Variants in CELF2 observed in about 807,000 individuals in gnomAD.
The protein encoded by CELF2 is CUGBP Elav-like family member 2.
CELF2 carries 8 observed loss-of-function variants against 62.6 expected under a neutral mutation model. That is an observed-to-expected ratio of 0.13 (90% CI 0.07 to 0.23). The LOEUF (loss-of-function observed/expected upper bound fraction) is 0.23, where lower values mean the gene tolerates loss of function less well. Among genes scored for constraint, CELF2 ranks in the 10% least tolerant of loss-of-function variants. The probability of loss-of-function intolerance (pLI) is 1.00; values close to 1 mark genes in which losing one functional copy is unlikely to be tolerated. For missense variants in CELF2, 333 were observed against 671.0 expected, an observed-to-expected ratio of 0.50 and a Z score of 5.56; for synonymous variants, 258 against 250.0, an observed-to-expected ratio of 1.03 and a Z score of -0.30.
In CELF2 at chr10:10,957,420, A is replaced by G. The variant is rs115121908; in HGVS notation, c.89+37421A>G. 4.6e-3 allele frequency among the ~76,000 whole-genome samples: 704 copies of G among 152,274 alleles called. 5 individuals are homozygous for G. The highest frequency in any genetic ancestry group is 0.017 in the African/African-American group (690 of 41,550). ...CCTTCTGTTTGAATGTAAGAGGATG[A>G]ATTGATTCACCTGTGAGGCAATGTG... On this transcript the variant is annotated intron_variant, in intron 2 of 13. Transcript: ENST00000636488. The surrounding 1 kb of genome is among the most constrained non-coding windows in gnomAD (Gnocchi z 4.1).
the CELF2 span, among the ~76,000 whole-genome samples, chr10:10,553,989 G>A: frequency 1.3e-5 from 2 of 152,170 alleles, no homozygotes; most frequent in African/African-American, 4.8e-5. Flanking sequence ...TGAGAAGATT[G>A]TCTTGGCCCT....
At chr10:10,658,991 C>G in the CELF2 span, among the ~76,000 whole-genome samples, 3 of 152,146 alleles carry the variant, frequency 2.0e-5, no homozygotes, top group Non-Finnish European at 4.4e-5. Context: ...AACAGATCTG[C>G]ATAACTGGGG....
At position 11,328,866 on chromosome 10, in the gene CELF2, C is replaced by CTTTTCTG. The variant is rs1211796738; in HGVS notation, c.1439-52_1439-46dup. The CTTTTCTG allele has an allele frequency of 1.5e-5, 24 of 1,563,840 alleles. No individual in the cohort carries two copies. The highest frequency in any genetic ancestry group is 2.0e-5 in the Non-Finnish European group (23 of 1,151,262). On this transcript the variant is annotated intron_variant, in intron 12 of 12. Coordinates refer to ENST00000633077, the MANE Select transcript of CELF2 (RefSeq NM_001326342.2). This position sits in a 1 kb window ranked among gnomAD's most constrained non-coding sequence, Gnocchi z 6.4. ...CAGCCTTCCCCAGAGCTCCAGCCCC[C>CTTTTCTG]TTTTCTGTTTTCTGCTGGGCTTCCT...
At chr10:10,900,838 A>G (rs1011952510) in intron 1 of CELF2, among the ~76,000 whole-genome samples, 1 of 152,238 alleles carries the variant, frequency 6.6e-6, no homozygotes, top group African/African-American at 2.4e-5. Flanking sequence ...TAAAATCTTA[A>G]TAAAAAAGCT....
intron 8 of CELF2, among the ~76,000 whole-genome samples, chr10:11,286,692 C>A (rs1363413201): frequency 6.6e-6 from 1 of 152,186 alleles, no homozygotes; most frequent in Non-Finnish European, 1.5e-5. Flanking sequence ...TGACCCTTGA[C>A]GAGAGAAAAC....
At chr10:10,959,173 C>T (rs1049046023) in intron 2 of CELF2, among the ~76,000 whole-genome samples, 1 of 152,082 alleles carries the variant, frequency 6.6e-6, no homozygotes, top group African/African-American at 2.4e-5. Flanking sequence ...CTTAGCTACT[C>T]AGGAGGCTGA....
intron 8 of CELF2, among the ~76,000 whole-genome samples, chr10:11,278,633 A>G (rs1359107486): frequency 6.6e-6 from 1 of 152,194 alleles, no homozygotes; most frequent in Non-Finnish European, 1.5e-5. Context: ...GTTTTTAACA[A>G]AGCTCCTTTT....
chr10:10,550,878 A>G, the CELF2 span, among the ~76,000 whole-genome samples: 1 of 150,998 alleles, frequency 6.6e-6, no homozygotes, highest in Non-Finnish European at 1.5e-5. Context: ...TTGTATTTTT[A>G]GTAGAGATGG....
the CELF2 span, among the ~76,000 whole-genome samples, chr10:10,748,231 G>C: frequency 6.6e-6 from 1 of 152,100 alleles, no homozygotes; most frequent in African/African-American, 2.4e-5. Flanking sequence ...AAGAGGACTT[G>C]AAATGTTCCC....
intron 1 of CELF2, among the ~76,000 whole-genome samples, chr10:11,079,612 G>A (rs898339678): frequency 1.3e-5 from 2 of 152,122 alleles, no homozygotes; most frequent in African/African-American, 4.8e-5. Flanking sequence ...ATGAAGAGGT[G>A]CCTTCCGCCA....
At chr10:10,792,832 G>A in the CELF2 span, among the ~76,000 whole-genome samples, 1 of 152,180 alleles carries the variant, frequency 6.6e-6, no homozygotes, top group African/African-American at 2.4e-5. Flanking sequence ...AATTTGGTCT[G>A]TGATTCCTTT....
the CELF2 span, among the ~76,000 whole-genome samples, chr10:10,781,891 A>G: frequency 6.6e-6 from 1 of 152,260 alleles, no homozygotes; most frequent in Non-Finnish European, 1.5e-5. Flanking sequence ...CCGTGAATCA[A>G]AAACATACTA....
chr10:11,249,110 A>C (rs373711591), intron 3 of CELF2, 43 bp from the exon 4 acceptor site: 3 of 1,509,602 alleles, frequency 2.0e-6, no homozygotes, highest in Non-Finnish European at 2.8e-6. Context: ...TGATTTTTAC[A>C]GTTGTTCAAT....
At chr10:10,780,135 A>C in the CELF2 span, among the ~76,000 whole-genome samples, 1 of 152,250 alleles carries the variant, frequency 6.6e-6, no homozygotes, top group Non-Finnish European at 1.5e-5. Context: ...AATAGTCCAC[A>C]CTTTCTTTGA....
the CELF2 span, among the ~76,000 whole-genome samples, chr10:10,602,992 A>C: frequency 6.6e-6 from 1 of 152,202 alleles, no homozygotes; most frequent in South Asian, 2.1e-4. Context: ...GGAAAGCACA[A>C]AGAGGGAAAG....
At chr10:10,545,344 C>T in the CELF2 span, among the ~76,000 whole-genome samples, 4 of 152,186 alleles carry the variant, frequency 2.6e-5, no homozygotes, top group East Asian at 1.9e-4. Flanking sequence ...GAGACATCAA[C>T]ATTCTATTTA....
intron 2 of CELF2, among the ~76,000 whole-genome samples, chr10:10,945,588 C>G (rs1388111059): frequency 6.6e-6 from 1 of 152,182 alleles, no homozygotes; most frequent in South Asian, 2.1e-4. Flanking sequence ...AGGTGAAATC[C>G]ATGTTTAGCC....
chr10:10,539,420 T>C, the CELF2 span, among the ~76,000 whole-genome samples: 2 of 152,144 alleles, frequency 1.3e-5, no homozygotes, highest in South Asian at 2.1e-4. Context: ...CTCAAAGGCT[T>C]GCAAAGAACC....
intron 1 of CELF2, among the ~76,000 whole-genome samples, chr10:10,866,412 C>G (rs1376820916): frequency 2.6e-5 from 4 of 151,576 alleles, no homozygotes; most frequent in South Asian, 4.2e-4. Flanking sequence ...TTGAGACCAG[C>G]CTGGCCAACA....
Sources: gnomAD v4.1 joint callset for allele counts (sites outside exome capture counted in the v4.1 genomes callset) on GRCh38, gnomAD v4.1.1 for gene constraint, Gnocchi (gnomAD v3.1) non-coding constraint, MANE v1.5 for transcripts, NCBI Gene and HGNC (gene_info 2026-07-23, HGNC 2026-07-21) for gene names.